CDC42BPA: variants seen among roughly 807,000 people sequenced by gnomAD.
CDC42BPA encodes serine/threonine-protein kinase MRCK alpha.
In CDC42BPA, 80 loss-of-function variants were observed where a neutral mutation model predicts 223.5. The ratio of observed to expected loss-of-function variants is 0.36; its 90% CI spans 0.30 to 0.43. The LOEUF (loss-of-function observed/expected upper bound fraction) is 0.43, where lower values mean the gene tolerates loss of function less well. Ranked by LOEUF, CDC42BPA falls within the 20% of genes least tolerant of loss-of-function variation. The pLI is 1.00. For missense variants in CDC42BPA, 1,743 were observed against 2,099.9 expected, an observed-to-expected ratio of 0.83 and a Z score of 3.32; for synonymous variants, 694 against 718.6, an observed-to-expected ratio of 0.97 and a Z score of 0.55.
At chr1:227,312,779 G>A (rs1364372705) in intron 1 of CDC42BPA, among the ~76,000 whole-genome samples, 3 of 142,784 alleles carry the variant, frequency 2.1e-5, no homozygotes, top group Non-Finnish European at 4.6e-5. Context: ...GGATCATGGG[G>A]GCAGACTTCC....
At chr1:227,122,927 G>C (rs550972125) in intron 11 of CDC42BPA, among the ~76,000 whole-genome samples, 1 of 152,338 alleles carries the variant, frequency 6.6e-6, no homozygotes, top group South Asian at 2.1e-4. Flanking sequence ...AAGAAATCCA[G>C]AGACTATTAT....
intron 12 of CDC42BPA, among the ~76,000 whole-genome samples, chr1:227,117,861 T>G (rs1179124135): frequency 6.6e-6 from 1 of 152,026 alleles, no homozygotes; most frequent in Non-Finnish European, 1.5e-5. Context: ...TGAGAGATAT[T>G]TGTAACACAT....
chr1:227,151,998 A>G (rs1240582988), intron 6 of CDC42BPA, among the ~76,000 whole-genome samples: 2 of 151,950 alleles, frequency 1.3e-5, no homozygotes, highest in Non-Finnish European at 2.9e-5. Context: ...ACACCAGCCT[A>G]GGCGACAGAG....
intron 14 of CDC42BPA, among the ~76,000 whole-genome samples, chr1:227,102,997 A>G (rs1284566164): frequency 6.6e-6 from 1 of 152,112 alleles, no homozygotes; most frequent in Non-Finnish European, 1.5e-5. Flanking sequence ...TTTTAATTTA[A>G]AAGTATCCAT....
intron 4 of CDC42BPA, among the ~76,000 whole-genome samples, chr1:227,198,499 C>CAA (rs1671153082): frequency 6.9e-6 from 1 of 144,646 alleles, no homozygotes; most frequent in Non-Finnish European, 1.5e-5. Context: ...TTGTAACTAA[C>CAA]TTGATTTTAT....
At chr1:227,133,578 G>A (rs958883800) in intron 10 of CDC42BPA, among the ~76,000 whole-genome samples, 2 of 152,228 alleles carry the variant, frequency 1.3e-5, no homozygotes, top group East Asian at 1.9e-4. Context: ...TCTGTGCAGA[G>A]AGAAGTAGAC....
chr1:227,123,293 C>T (rs1219321855), intron 11 of CDC42BPA, among the ~76,000 whole-genome samples: 2 of 152,178 alleles, frequency 1.3e-5, no homozygotes, highest in African/African-American at 2.4e-5. Context: ...CAGAATGAGA[C>T]TCTGTCTCAA....
At chr1:227,208,713 A>G (rs922247803) in intron 3 of CDC42BPA, among the ~76,000 whole-genome samples, 2 of 151,584 alleles carry the variant, frequency 1.3e-5, no homozygotes, top group African/African-American at 2.4e-5. Context: ...CCACTGATCT[A>G]TATCTCTGTT....
chr1:227,034,799 G>T lies in CDC42BPA; in HGVS notation c.3337-5C>A. On this transcript the variant is annotated splice_polypyrimidine_tract_variant and splice_region_variant and intron_variant, in intron 25 of 36. Coordinates refer to ENST00000366766, the MANE Select transcript of CDC42BPA (RefSeq NM_001394014.1). ...CACTCCAGCTGGCTTAGGAATCTTA[G>T]TTTTGTTTTAGACAGACAAACAGCC... 6.7e-7 allele frequency: 1 copy of T among 1,493,380 alleles called. No homozygotes were observed. Among genetic ancestry groups the T allele is most frequent in the East Asian group, 2.4e-5 (1 of 41,018 alleles). 92.5% of individuals were successfully genotyped at this position (1,493,380 alleles called of 1,614,324 possible).
At chr1:227,140,935 T>G (rs548359585) in intron 9 of CDC42BPA, among the ~76,000 whole-genome samples, 2 of 152,278 alleles carry the variant, frequency 1.3e-5, no homozygotes, top group South Asian at 4.2e-4. Context: ...TAGGACACTC[T>G]GATATTAACA....
At chr1:227,198,213 G>A (rs1164871980) in intron 4 of CDC42BPA, among the ~76,000 whole-genome samples, 1 of 151,674 alleles carries the variant, frequency 6.6e-6, no homozygotes, top group African/African-American at 2.4e-5. Context: ...CACCTTAGGG[G>A]GTCAAGCTGA....
At chr1:227,091,241 G>A (rs1226962847) in intron 16 of CDC42BPA, among the ~76,000 whole-genome samples, 6 of 151,934 alleles carry the variant, frequency 3.9e-5, no homozygotes, top group African/African-American at 1.4e-4. Context: ...AACAGATGGT[G>A]ATATGACTTC....
intron 1 of CDC42BPA, among the ~76,000 whole-genome samples, chr1:227,304,938 A>G (rs1288344054): frequency 1.3e-5 from 2 of 152,200 alleles, no homozygotes; most frequent in African/African-American, 4.8e-5. Flanking sequence ...TTTCTTAAAG[A>G]ACTTTAAATA....
chr1:227,168,593 T>G (rs1482330021), intron 5 of CDC42BPA, among the ~76,000 whole-genome samples: 1 of 146,492 alleles, frequency 6.8e-6, no homozygotes, highest in Non-Finnish European at 1.5e-5. Flanking sequence ...CCTCCTGGGT[T>G]CACGCCATTC....
At chr1:227,240,431 A>G (rs1374462040) in intron 2 of CDC42BPA, among the ~76,000 whole-genome samples, 2 of 152,094 alleles carry the variant, frequency 1.3e-5, no homozygotes, top group East Asian at 1.9e-4. Context: ...CTAAAATGCA[A>G]AAGTCTTCGA....
intron 1 of CDC42BPA, among the ~76,000 whole-genome samples, chr1:227,314,015 T>G (rs575480992): frequency 6.6e-6 from 1 of 152,162 alleles, no homozygotes; most frequent in South Asian, 2.1e-4. Flanking sequence ...ATCTTACATT[T>G]ATTAAGTAAA....
At chr1:227,048,053 T>C in intron 22 of CDC42BPA, 43 bp from the exon 23 acceptor site, 1 of 1,150,190 alleles carries the variant, frequency 8.7e-7, no homozygotes. Context: ...CATGAAACAC[T>C]CCATTAATTT....
At chr1:227,267,631 T>C (rs774423449) in intron 1 of CDC42BPA, among the ~76,000 whole-genome samples, 25 of 152,230 alleles carry the variant, frequency 1.6e-4, no homozygotes, top group Non-Finnish European at 2.4e-4. Context: ...AGAGGTTTAA[T>C]TGACTTACAG....
chr1:227,029,220 ATCT>A lies in CDC42BPA; in HGVS notation c.3866_3868del (p.Lys1289del). ...ATTTGGAATGAGTTCAATCTGATGA[ATCT>A]TCTTATTGTCACCAACTCTAATAAT... On this transcript the variant is annotated inframe_deletion, in exon 30 of 37. Transcript: ENST00000366766. 1.3e-6 allele frequency: 2 copies of A among 1,592,278 alleles called. No individual in the cohort carries two copies. Among genetic ancestry groups the A allele is most frequent in the Non-Finnish European group, 1.7e-6 (2 of 1,173,978 alleles).
Sources: gnomAD v4.1 joint callset for allele counts (sites outside exome capture counted in the v4.1 genomes callset) on GRCh38, gnomAD v4.1.1 for gene constraint, MANE v1.5 for transcripts, NCBI Gene and HGNC (gene_info 2026-07-23, HGNC 2026-07-21) for gene names.